Variants in PATJ observed in about 807,000 individuals in gnomAD.
The protein encoded by PATJ is PATJ crumbs cell polarity complex component.
In PATJ, 190 loss-of-function variants were observed where a neutral mutation model predicts 224.9. The observed-to-expected ratio is 0.84, with a 90% CI of 0.75 to 0.95. PATJ has a LOEUF of 0.95. Ranked by LOEUF, PATJ falls within the 40% of genes least tolerant of loss-of-function variation. The pLI, the probability that PATJ is intolerant of heterozygous loss-of-function variation, is 0.00. For synonymous variants in PATJ, 769 were observed against 820.3 expected (o/e 0.94, Z 1.07); for missense variants, 2,121 against 2,270.3 (o/e 0.93, Z 1.34).
chr1:61,905,750 C>A (rs551010867), intron 24 of PATJ, among the ~76,000 whole-genome samples: 15 of 152,134 alleles, frequency 9.9e-5, no homozygotes, highest in Admixed American at 4.6e-4. Context: ...TCTTACCAAC[C>A]TTTTCCCTTT....
chr1:61,840,461 T>C (rs1660898506), intron 17 of PATJ, among the ~76,000 whole-genome samples: 1 of 152,016 alleles, frequency 6.6e-6, no homozygotes, highest in African/African-American at 2.4e-5. Context: ...AAACATTTTA[T>C]ATATACATGG....
chr1:61,941,358 A>G (rs1232094898), intron 27 of PATJ, among the ~76,000 whole-genome samples: 2 of 152,172 alleles, frequency 1.3e-5, no homozygotes, highest in East Asian at 3.8e-4. Flanking sequence ...TTGTTTATAA[A>G]GTTAATTTTC....
intron 43 of PATJ, among the ~76,000 whole-genome samples, chr1:62,154,486 C>G (rs76064176): frequency 0.042 from 6,338 of 151,832 alleles, 198 homozygotes; most frequent in South Asian, 0.13. Context: ...CATGGCAAAA[C>G]CCGTCTTTAC....
chr1:61,973,356 A>G (rs1683229823), intron 27 of PATJ, among the ~76,000 whole-genome samples: 2 of 152,036 alleles, frequency 1.3e-5, no homozygotes, highest in Non-Finnish European at 2.9e-5. Context: ...ATACGTATGT[A>G]CAGGGCTCTG....
intron 24 of PATJ, among the ~76,000 whole-genome samples, chr1:61,906,497 A>C (rs1335627742): frequency 6.6e-6 from 1 of 152,184 alleles, no homozygotes; most frequent in Admixed American, 6.5e-5. Flanking sequence ...AGACACTCCT[A>C]TCACTCAGGA....
chr1:61,962,705 A>T (rs1354117988), intron 27 of PATJ, among the ~76,000 whole-genome samples: 1 of 152,224 alleles, frequency 6.6e-6, no homozygotes, highest in Non-Finnish European at 1.5e-5. Context: ...CCAAAATAAC[A>T]GCTATTCTAG....
intron 1 of PATJ, among the ~76,000 whole-genome samples, chr1:61,755,588 T>C (rs1645593009): frequency 6.6e-6 from 1 of 152,154 alleles, no homozygotes; most frequent in Non-Finnish European, 1.5e-5. Flanking sequence ...TAAAAGCCTT[T>C]AATTATTTCC....
chr1:61,879,401 G>A (rs921755083), intron 21 of PATJ, among the ~76,000 whole-genome samples: 2 of 152,110 alleles, frequency 1.3e-5, no homozygotes, highest in Non-Finnish European at 2.9e-5. Flanking sequence ...TGACCCTGAC[G>A]ATCTAGAATG....
At chr1:61,839,375 A>G (rs1306201385) in intron 17 of PATJ, among the ~76,000 whole-genome samples, 1 of 152,156 alleles carries the variant, frequency 6.6e-6, no homozygotes, top group Non-Finnish European at 1.5e-5. Flanking sequence ...GTGTGCTCAT[A>G]TGCATTGTGT....
At chr1:61,956,521 A>G (rs1680462325) in intron 27 of PATJ, among the ~76,000 whole-genome samples, 1 of 152,194 alleles carries the variant, frequency 6.6e-6, no homozygotes, top group Non-Finnish European at 1.5e-5. Flanking sequence ...AGCAAAAGAT[A>G]ATGAGGTATG....
At chr1:62,094,870 A>G (rs146167710) in intron 33 of PATJ, among the ~76,000 whole-genome samples, 1 of 152,212 alleles carries the variant, frequency 6.6e-6, no homozygotes, top group East Asian at 1.9e-4. Flanking sequence ...GTAAGGGTCA[A>G]CTGAAGTCTG....
In PATJ at chr1:61,764,034, T is replaced by A. The variant is rs896569015; in HGVS notation, c.189+855T>A. Among the ~76,000 whole-genome samples the A allele has an allele frequency of 8.0e-4, 122 of 151,776 alleles. 1 individual carries two copies. Among genetic ancestry groups the A allele is most frequent in the African/African-American group, 2.8e-3 (118 of 41,410 alleles). On this transcript the variant is annotated intron_variant, in intron 3 of 43. Transcript: ENST00000642238. ...GTGTGTGTGTGTTATTATTATTATT[T>A]TTTTTAGTAGAGACGGGGTTTCACT...
intron 24 of PATJ, among the ~76,000 whole-genome samples, chr1:61,903,139 G>C (rs2482850): frequency 1.2e-4 from 19 of 152,080 alleles, no homozygotes; most frequent in African/African-American, 2.4e-4. Context: ...ATTATGAACA[G>C]GTAAGTATTG....
rs772061601 is a variant in PATJ, at chr1:61,927,815, A to T, written c.3656A>T (p.Asp1219Val). Residue 1219 changes from aspartate to valine, a missense_variant, in exon 27 of 44, where the codon GAT (aspartate) becomes GTT (valine). Asp to Val is a radical substitution (Grantham distance 152). Coordinates refer to ENST00000642238, the MANE Select transcript of PATJ (RefSeq NM_001350145.3). Reference sequence around the variant, plus strand: ...GACAGTGATGAAAATGAAGAAGAAGATGCCTTTACCGACCGTGAGTGCCTT... The same window carrying T: ...GACAGTGATGAAAATGAAGAAGAAGTTGCCTTTACCGACCGTGAGTGCCTT... ...TDDSDENEEE[D>V]AFTDQKIRQR... 1.2e-6 allele frequency: 2 copies of T among 1,612,344 alleles called. No individual in the cohort carries two copies. The highest frequency in any genetic ancestry group is 2.2e-5 in the South Asian group (2 of 90,860).
At chr1:62,131,783 C>T (rs1666287750) in intron 41 of PATJ, among the ~76,000 whole-genome samples, 1 of 152,122 alleles carries the variant, frequency 6.6e-6, no homozygotes, top group East Asian at 1.9e-4. Flanking sequence ...GAGATCCCAG[C>T]TCTAAATAAG....
chr1:62,021,562 C>T (rs776014407), intron 29 of PATJ, among the ~76,000 whole-genome samples: 34 of 152,046 alleles, frequency 2.2e-4, no homozygotes, highest in Non-Finnish European at 4.4e-4. Flanking sequence ...ATAGTAAGTT[C>T]GTTGTTGTTG....
chr1:62,041,014 C>T (rs1348239877), intron 30 of PATJ, among the ~76,000 whole-genome samples: 1 of 152,092 alleles, frequency 6.6e-6, no homozygotes, highest in Non-Finnish European at 1.5e-5. Context: ...TAAATTCTAG[C>T]TTAAATAGCA....
At chr1:62,090,615 G>A (rs188802332) in intron 33 of PATJ, among the ~76,000 whole-genome samples, 2 of 152,118 alleles carry the variant, frequency 1.3e-5, no homozygotes, top group Non-Finnish European at 2.9e-5. Context: ...GGATATCAGA[G>A]GTAGTATATT....
At chr1:61,791,483 G>T (rs1467597397) in intron 9 of PATJ, 36 bp downstream of exon 9, 1 of 1,295,224 alleles carries the variant, frequency 7.7e-7, no homozygotes. Context: ...TTTGGAAATT[G>T]TAAAGGATGT....
Sources: gnomAD v4.1 joint callset for allele counts (sites outside exome capture counted in the v4.1 genomes callset) on GRCh38, gnomAD v4.1.1 for gene constraint, MANE v1.5 for transcripts, NCBI Gene and HGNC (gene_info 2026-07-23, HGNC 2026-07-21) for gene names.